SEC14L6: variants seen among roughly 807,000 people sequenced by gnomAD.
SEC14L6 encodes the protein SEC14 like lipid binding 6, also known as SEC14-like protein 6.
Under a neutral mutation model 54.1 loss-of-function variants are expected in SEC14L6, and 40 were observed. The ratio of observed to expected loss-of-function variants is 0.74; its 90% CI spans 0.57 to 0.96. SEC14L6 has a LOEUF of 0.96. Among genes scored for constraint, SEC14L6 ranks in the 40% least tolerant of loss-of-function variants. SEC14L6 has a pLI of 0.00. For missense variants in SEC14L6, 471 were observed against 498.3 expected (o/e 0.95, Z 0.52); for synonymous variants, 171 against 198.4 (o/e 0.86, Z 1.16).
At chr22:30,543,805 C>A in intron 1 of SEC14L6, 2 of 1,507,950 alleles carry the variant, frequency 1.3e-6, no homozygotes, top group Non-Finnish European at 1.8e-6. Flanking sequence ...GTTGCATGAA[C>A]CCGAGAAGAA....
In SEC14L6 at chr22:30,524,210, CAT is replaced by C. The variant is rs1249600278; in HGVS notation, c.*785_*786del. 3 of 152,208 alleles carry C rather than the reference CAT, an allele frequency of 2.0e-5. No homozygotes were observed. Among genetic ancestry groups the C allele is most frequent in the Non-Finnish European group, 4.4e-5 (3 of 68,054 alleles). 9.4% of individuals were successfully genotyped at this position (152,208 alleles called of 1,614,324 possible). ...TGCTTTGTCCAGAGTTTTTCTGTCT[CAT>C]GTGCGTCATGTTCGGCCCTGATGCC... is the stretch of plus-strand genomic sequence containing the variant. On this transcript the variant is annotated 3_prime_UTR_variant, in exon 12 of 12. Transcript: ENST00000402034.
chr22:30,528,563 A>G (rs946410006), intron 8 of SEC14L6, among the ~76,000 whole-genome samples: 2 of 151,452 alleles, frequency 1.3e-5, no homozygotes, highest in African/African-American at 2.4e-5. Flanking sequence ...AGCTGGGACT[A>G]TAGGTGTGCA....
chr22:30,538,882 A>G lies in SEC14L6; in HGVS notation c.75T>C (p.Asp25=). 6.4e-7 allele frequency: 1 copy of G among 1,555,200 alleles called. No homozygotes were observed. Among genetic ancestry groups the G allele is most frequent in the Non-Finnish European group, 8.7e-7 (1 of 1,148,802 alleles). The change falls in exon 2 of 12, where the codon GAT becomes GAC. Residue 25 remains aspartate, a synonymous_variant. Coordinates refer to ENST00000402034, the MANE Select transcript of SEC14L6 (RefSeq NM_001193336.4). ...SLAQFRENIQ[D]VLSALPNPDD... is the part of the protein sequence containing the mutation. ...CAGGATTGGGCAGCGCAGATAGCACATCTTGGATGTTCTCCCGGAACTGAG... is the reference window on the plus strand; with the variant it reads ...CAGGATTGGGCAGCGCAGATAGCACGTCTTGGATGTTCTCCCGGAACTGAG...
rs759304330 is a variant in SEC14L6 at position 30,533,977 on chromosome 22, G to C, written c.174+19C>G. 138 of 1,549,478 alleles carry C rather than the reference G, an allele frequency of 8.9e-5. No homozygotes were observed. The highest frequency in any genetic ancestry group is 1.1e-4 in the Non-Finnish European group (123 of 1,146,050). ...TAGGAAACAGGACCAGGCTAGGCAGGGGGAGGTGTCAACCTCACCTTCCTC... is the reference window on the plus strand; with the variant it reads ...TAGGAAACAGGACCAGGCTAGGCAGCGGGAGGTGTCAACCTCACCTTCCTC... On this transcript the variant is annotated intron_variant, in intron 3 of 11. Coordinates refer to ENST00000402034, the MANE Select transcript of SEC14L6 (RefSeq NM_001193336.4).
At chr22:30,532,022 A>C (rs1324385000) in intron 5 of SEC14L6, 24 bp from the exon 6 acceptor site, 1 of 1,547,120 alleles carries the variant, frequency 6.5e-7, no homozygotes, top group African/African-American at 1.4e-5. Context: ...ACAGGGGGTG[A>C]GACCCTGTGA....
Position 30,524,880 on chromosome 22 carries a change from C to T in SEC14L6, c.*117G>A. The T allele has an allele frequency of 1.5e-6, 1 of 665,318 alleles. No homozygotes were observed. Among genetic ancestry groups the T allele is most frequent in the Non-Finnish European group, 2.8e-6 (1 of 360,898 alleles). 41.2% of individuals were successfully genotyped at this position (665,318 alleles called of 1,614,324 possible). On this transcript the variant is annotated 3_prime_UTR_variant, in exon 12 of 12. Coordinates refer to ENST00000402034, the MANE Select transcript of SEC14L6 (RefSeq NM_001193336.4). ...GCCAGCTGTGATGCATAGGCTGTGACCTGCTGTTGTAGAATCCCTGTTCCT... is the reference window on the plus strand; with the variant it reads ...GCCAGCTGTGATGCATAGGCTGTGATCTGCTGTTGTAGAATCCCTGTTCCT...
intron 2 of SEC14L6, among the ~76,000 whole-genome samples, chr22:30,534,511 A>G (rs1046027682): frequency 6.6e-6 from 1 of 151,692 alleles, no homozygotes; most frequent in Non-Finnish European, 1.5e-5. Context: ...TCCCGGGTTC[A>G]AGTGATTCTC....
chr22:30,534,653 C>A (rs941329057), intron 2 of SEC14L6, among the ~76,000 whole-genome samples: 1 of 151,854 alleles, frequency 6.6e-6, no homozygotes, highest in Non-Finnish European at 1.5e-5. Context: ...TCAAATGATC[C>A]GCCTGCCTCA....
Position 30,524,928 on chromosome 22 carries a change from C to T in SEC14L6, c.*69G>A. ...CCTGAGAGGTTGAACAGGGTCTGGCCAGGGAAGGCTGTGAACTCATTGTGG... is the reference window on the plus strand; with the variant it reads ...CCTGAGAGGTTGAACAGGGTCTGGCTAGGGAAGGCTGTGAACTCATTGTGG... On this transcript the variant is annotated 3_prime_UTR_variant, in exon 12 of 12. Transcript: ENST00000402034. 1 of 822,190 alleles carries T rather than the reference C, an allele frequency of 1.2e-6. No individual in the cohort carries two copies. The highest frequency in any genetic ancestry group is 2.1e-6 in the Non-Finnish European group (1 of 484,320). 50.9% of individuals were successfully genotyped at this position (822,190 alleles called of 1,614,324 possible). A position where few individuals can be genotyped will look rare whatever the true frequency, so the allele number is the denominator to read the frequency against.
At position 30,524,493 on chromosome 22, in the gene SEC14L6, A is replaced by C. The variant is rs1936701899; in HGVS notation, c.*504T>G. The stretch of plus-strand genomic sequence containing the variant: ...CAAGTTCAGGCGACTCTCCTGCCTC[A>C]GCCTCCCAAGTAGCTGGAATTACAA... On this transcript the variant is annotated 3_prime_UTR_variant, in exon 12 of 12. Transcript: ENST00000402034. The C allele has an allele frequency of 6.5e-6, 1 of 152,912 alleles. No individual in the cohort carries two copies. Among genetic ancestry groups the C allele is most frequent in the African/African-American group, 2.4e-5 (1 of 41,402 alleles). 9.5% of individuals were successfully genotyped at this position (152,912 alleles called of 1,614,324 possible). A position where few individuals can be genotyped will look rare whatever the true frequency, so the allele number is the denominator to read the frequency against.
At chr22:30,531,845 G>A (rs1020896326) in intron 6 of SEC14L6, 58 bp downstream of exon 6, 1 of 1,238,738 alleles carries the variant, frequency 8.1e-7, no homozygotes, top group African/African-American at 1.5e-5. Context: ...CCAGCAAGTG[G>A]AGGGTAAAGA....
At chr22:30,537,280 G>A (rs1568971921) in intron 2 of SEC14L6, among the ~76,000 whole-genome samples, 1 of 152,048 alleles carries the variant, frequency 6.6e-6, no homozygotes, top group Non-Finnish European at 1.5e-5. Flanking sequence ...ACCCATGCTC[G>A]CTAAACTGAA....
intron 1 of SEC14L6, chr22:30,542,547 C>T (rs1402290366): frequency 1.6e-5 from 20 of 1,268,142 alleles, no homozygotes; most frequent in Non-Finnish European, 1.8e-5. Context: ...GCCTTCCAGC[C>T]CTCGCGGGCG....
At chr22:30,541,088 C>T (rs1360960926) in intron 1 of SEC14L6, among the ~76,000 whole-genome samples, 7 of 151,750 alleles carry the variant, frequency 4.6e-5, no homozygotes, top group Non-Finnish European at 8.8e-5. Flanking sequence ...GGGATATAAT[C>T]AGATGCGAAT....
In SEC14L6 at chr22:30,544,160, C is replaced by T. The variant is rs945095870; in HGVS notation, c.54+2469G>A. 5.7e-6 allele frequency: 6 copies of T among 1,050,958 alleles called. No individual in the cohort carries two copies. The African/African-American group carries it at 6.3e-5, about 11-fold the overall frequency. 65.1% of individuals were successfully genotyped at this position (1,050,958 alleles called of 1,614,324 possible). On this transcript the variant is annotated intron_variant, in intron 1 of 11. Transcript: ENST00000402034. ...CAAGGAGCCGCCATGATGAGCACAG[C>T]CAGCCCAGTTCCCGGAGGGCTGGGG...
chr22:30,532,919 T>C, intron 3 of SEC14L6, 63 bp from the exon 4 acceptor site: 1 of 1,585,734 alleles, frequency 6.3e-7, no homozygotes, highest in Admixed American at 1.8e-5. Context: ...TGTGGATACC[T>C]GGGGACACCA....
At position 30,532,836 on chromosome 22, in the gene SEC14L6, T is replaced by C. The variant is rs1937030113; in HGVS notation, c.195A>G (p.Gln65=). 1 of 1,613,634 alleles carries C rather than the reference T, an allele frequency of 6.2e-7. No individual in the cohort carries two copies. The highest frequency in any genetic ancestry group is 1.3e-5 in the African/African-American group (1 of 74,902). Residue 65 remains glutamine (Q), a synonymous_variant, in exon 4 of 12, where the codon CAA becomes CAG. Coordinates refer to ENST00000402034, the MANE Select transcript of SEC14L6 (RefSeq NM_001193336.4). ...MLRKHMEFRK[Q]QDLANILAWQ... ...AGGCAAGGATGTTGGCCAGGTCTTG[T>C]TGCTTCCGGAACTCCATATGCTGCA... is the stretch of plus-strand genomic sequence containing the variant.
intron 3 of SEC14L6, 96 bp from the exon 4 acceptor site, chr22:30,532,952 C>T: frequency 6.5e-7 from 1 of 1,538,578 alleles, no homozygotes; most frequent in Non-Finnish European, 8.8e-7. Flanking sequence ...CTGCCTGCAA[C>T]CACTAAGGGC....
intron 1 of SEC14L6, chr22:30,542,694 G>A: frequency 6.4e-7 from 1 of 1,550,474 alleles, no homozygotes; most frequent in Non-Finnish European, 8.8e-7. Flanking sequence ...AGCCTGAGAA[G>A]TCTGTATCAG....
Sources: gnomAD v4.1 joint callset for allele counts (sites outside exome capture counted in the v4.1 genomes callset) on GRCh38, gnomAD v4.1.1 for gene constraint, MANE v1.5 for transcripts, NCBI Gene and HGNC (gene_info 2026-07-23, HGNC 2026-07-21) for gene names.